MID1: variants seen among roughly 807,000 people sequenced by gnomAD.
MID1 encodes the protein E3 ubiquitin-protein ligase Midline-1.
A neutral mutation model predicts 40.4 loss-of-function variants in MID1; 7 were observed. That is an observed-to-expected ratio of 0.17 (90% confidence interval 0.10 to 0.33). The LOEUF is 0.33. Among genes scored for constraint, MID1 ranks in the 10% least tolerant of loss-of-function variants. MID1 has a pLI of 1.00. For missense variants in MID1, 367 were observed against 558.5 expected (o/e 0.66, Z 3.46); for synonymous variants, 229 against 221.2 (o/e 1.04, Z -0.31).
At chrX:10,736,638 A>G (rs2043489851) in intron 1 of MID1, among the ~76,000 whole-genome samples, 1 of 112,040 alleles carries the variant, frequency 8.9e-6, no homozygotes, top group Non-Finnish European at 1.9e-5. Context: ...AGAACTTACA[A>G]ACTTCTAGAT....
At chrX:10,479,954 C>A (rs1005273089) in intron 5 of MID1, among the ~76,000 whole-genome samples, 1 of 111,849 alleles carries the variant, frequency 8.9e-6, no homozygotes, top group Non-Finnish European at 1.9e-5. Context: ...TAGAAAATAG[C>A]TCAAAGACCC....
intron 3 of MID1, among the ~76,000 whole-genome samples, chrX:10,507,466 T>A (rs1340079415): frequency 3.6e-5 from 4 of 112,584 alleles, no homozygotes; most frequent in African/African-American, 1.3e-4. Context: ...ACAAGAGGAA[T>A]TCTTTAGGGC....
At chrX:10,817,564 CTTTCTT>C (rs1569177972) in intron 1 of MID1, among the ~76,000 whole-genome samples, 2 of 90,837 alleles carry the variant, frequency 2.2e-5, no homozygotes, top group African/African-American at 8.7e-5. Context: ...TTCTTTCTTT[CTTTCTT>C]TCTCTCTTTC....
At chrX:10,459,056 C>T (rs1247949559) in intron 8 of MID1, among the ~76,000 whole-genome samples, 4 of 111,450 alleles carry the variant, frequency 3.6e-5, no homozygotes. Context: ...GTGATGCGCA[C>T]TGTCCTGTGG....
At chrX:10,678,244 A>C (rs1472136852) in intron 1 of MID1, among the ~76,000 whole-genome samples, 2 of 112,065 alleles carry the variant, frequency 1.8e-5, no homozygotes. Flanking sequence ...CTCATTTAGC[A>C]TCATAATTTT....
chrX:10,525,096 C>G (rs1932806052), intron 2 of MID1, among the ~76,000 whole-genome samples: 1 of 111,889 alleles, frequency 8.9e-6, no homozygotes, highest in African/African-American at 3.2e-5. Context: ...TGAAAACTAA[C>G]AAGTTCATAA....
intron 1 of MID1, among the ~76,000 whole-genome samples, chrX:10,600,661 C>T (rs1392513233): frequency 8.9e-6 from 1 of 112,086 alleles, no homozygotes; most frequent in Non-Finnish European, 1.9e-5. Context: ...CCCTGTCTTA[C>T]ACCAACTGTT....
intron 2 of MID1, among the ~76,000 whole-genome samples, chrX:10,552,621 C>T (rs1205680748): frequency 9.3e-6 from 1 of 107,197 alleles, no homozygotes; most frequent in Non-Finnish European, 1.9e-5. Flanking sequence ...TTTTGATTTA[C>T]GATTGGTTGA....
chrX:10,505,321 A>C (rs1256200671), intron 3 of MID1: 30 of 748,617 alleles, frequency 4.0e-5, no homozygotes, highest in Non-Finnish European at 4.7e-5. Context: ...TCTTGGCATC[A>C]ATATCACAGC....
rs1162377746 is a variant in MID1 at position 10,482,433 on chromosome X, T to C, written c.1013+47A>G. ...CAAGACCAACCAATCACAGCGCAGA[T>C]ACAAGAGCCCAGCAGCCGAGAAATT... On this transcript the variant is annotated intron_variant, in intron 5 of 9. Coordinates refer to ENST00000317552, the MANE Select transcript of MID1 (RefSeq NM_000381.4). The C allele has an allele frequency of 5.1e-6, 6 of 1,185,995 alleles. No individual in the cohort carries two copies. The African/African-American group carries it at 8.9e-5, about 18-fold the overall frequency.
rs181890346 is a variant in MID1, at chrX:10,795,123, A to T, written c.-187+38431T>A. On this transcript the variant is annotated intron_variant, in intron 1 of 10. Coordinates refer to the MID1 transcript ENST00000380785. ...CTGGCCTCCACCCACACTGGATGCC[A>T]GGAGCATCGCACCTTCTCCCCCCAA... Among the ~76,000 whole-genome samples the T allele has an allele frequency of 1.6e-4, 18 of 111,589 alleles. No homozygotes were observed. The East Asian group carries it at 5.1e-3, about 31-fold the overall frequency.
intron 1 of MID1, among the ~76,000 whole-genome samples, chrX:10,653,503 A>G (rs1936338735): frequency 8.9e-6 from 1 of 112,584 alleles, no homozygotes; most frequent in Admixed American, 9.4e-5. Context: ...AATCATCCAC[A>G]GCACATTTCT....
intron 6 of MID1, among the ~76,000 whole-genome samples, chrX:10,473,668 A>C (rs886370938): frequency 1.8e-5 from 2 of 112,510 alleles, no homozygotes; most frequent in African/African-American, 3.2e-5. Context: ...GCTAAGTTAG[A>C]GACGTGGTCT....
At position 10,798,693 on chromosome X, in the gene MID1, T is replaced by C. The variant is rs181759682; in HGVS notation, c.-187+34861A>G. Among the ~76,000 whole-genome samples, 3 of 108,753 alleles carry C rather than the reference T, an allele frequency of 2.8e-5. No homozygotes were observed. In the Admixed American group the frequency reaches 3.0e-4, roughly 11 times the overall value. 94.4% of individuals were successfully genotyped at this position (108,753 alleles called of 115,157 possible). The stretch of plus-strand genomic sequence containing the variant: ...TATTTATATTTCTAAGGAGAGGGAG[T>C]GGGAGGAGAAGAGAAGGGAAGAGAA... On this transcript the variant is annotated intron_variant, in intron 1 of 10. Coordinates refer to the MID1 transcript ENST00000380785.
At chrX:10,748,779 A>C (rs1359904280) in intron 1 of MID1, among the ~76,000 whole-genome samples, 3 of 111,847 alleles carry the variant, frequency 2.7e-5, no homozygotes, top group Non-Finnish European at 5.6e-5. Context: ...TAAGCTAAAC[A>C]GGGGTCTGAC....
In MID1 at chrX:10,646,518, G is replaced by T. The variant is rs763967911; in HGVS notation, c.-186-26099C>A. On this transcript the variant is annotated intron_variant, in intron 1 of 10. Transcript: ENST00000380785. ...CTGTTCTTCTCTCTTTCCACCCCCT[G>T]ATGTTAAGGAAAACCATAGGGGAAG... Among the ~76,000 whole-genome samples the T allele has an allele frequency of 8.1e-5, 9 of 111,301 alleles. No homozygotes were observed. In the South Asian group the frequency reaches 2.7e-3, roughly 33 times the overall value.
At chrX:10,656,277 C>T (rs1411206125) in intron 1 of MID1, among the ~76,000 whole-genome samples, 1 of 111,766 alleles carries the variant, frequency 8.9e-6, no homozygotes, top group African/African-American at 3.3e-5. Context: ...ACATTATCCA[C>T]CTGTGCTTTG....
intron 1 of MID1, among the ~76,000 whole-genome samples, chrX:10,592,146 GGT>G (rs61450722): frequency 6.6e-4 from 67 of 102,051 alleles, no homozygotes; most frequent in East Asian, 1.2e-3. Context: ...AATGGCTTGT[GGT>G]GTGTGTGTGT....
At chrX:10,565,921 T>A (rs776816560) in intron 2 of MID1, among the ~76,000 whole-genome samples, 1 of 109,512 alleles carries the variant, frequency 9.1e-6, no homozygotes, top group Non-Finnish European at 1.9e-5. Context: ...GTGATTCTCC[T>A]GCCTCAGCCT....
Sources: allele counts gnomAD v4.1 joint callset (sites outside exome capture counted in the v4.1 genomes callset), GRCh38; gene constraint gnomAD v4.1.1; transcripts MANE v1.5; gene names NCBI Gene and HGNC (gene_info 2026-07-23, HGNC 2026-07-21).